Variants in JAK1 observed in about 807,000 individuals in gnomAD.
JAK1 encodes the protein tyrosine-protein kinase JAK1.
JAK1 carries 16 observed loss-of-function variants against 136.6 expected under a neutral mutation model. The ratio of observed to expected loss-of-function variants is 0.12; its 90% CI spans 0.08 to 0.18. The LOEUF (loss-of-function observed/expected upper bound fraction) is 0.18. JAK1 is among the 10% of genes least tolerant of loss of function. JAK1 has a pLI of 1.00. For missense variants in JAK1, 859 were observed against 1,450.1 expected, an observed-to-expected ratio of 0.59 and a Z score of 6.62; for synonymous variants, 492 against 519.5, an observed-to-expected ratio of 0.95 and a Z score of 0.72.
intron 1 of JAK1, among the ~76,000 whole-genome samples, chr1:65,051,459 T>C (rs1647281584): frequency 6.6e-6 from 1 of 152,160 alleles, no homozygotes; most frequent in African/African-American, 2.4e-5. Context: ...CTCCTCAGTC[T>C]GATGTCCACA....
intron 1 of JAK1, among the ~76,000 whole-genome samples, chr1:64,944,414 T>A (rs78042402): frequency 0.02 from 3,018 of 152,220 alleles, 116 homozygotes; most frequent in African/African-American, 0.07. Flanking sequence ...GAGCAATGTG[T>A]ACATGTCTTT....
At chr1:64,921,685 AGTG>A (rs961004110) in intron 1 of JAK1, among the ~76,000 whole-genome samples, 1 of 152,126 alleles carries the variant, frequency 6.6e-6, no homozygotes, top group African/African-American at 2.4e-5. Flanking sequence ...TAAGAAAATA[AGTG>A]GTTGAAATAA....
intron 1 of JAK1, among the ~76,000 whole-genome samples, chr1:64,905,969 G>A (rs1645184404): frequency 6.6e-6 from 1 of 152,090 alleles, no homozygotes; most frequent in South Asian, 2.1e-4. Context: ...ATCTCACCCT[G>A]TTGCATGGTT....
intron 1 of JAK1, among the ~76,000 whole-genome samples, chr1:64,944,063 G>A (rs1645937403): frequency 6.6e-6 from 1 of 151,474 alleles, no homozygotes; most frequent in Admixed American, 6.6e-5. Context: ...TCTACTAAAA[G>A]TACAAAAAAT....
chr1:64,928,605 C>T (rs1160166640), intron 1 of JAK1, among the ~76,000 whole-genome samples: 5 of 151,966 alleles, frequency 3.3e-5, no homozygotes, highest in Non-Finnish European at 5.9e-5. Flanking sequence ...GACCCAAGAA[C>T]TCTTCCTCTT....
intron 4 of JAK1, among the ~76,000 whole-genome samples, chr1:64,874,608 G>A (rs1657282423): frequency 2.0e-5 from 3 of 152,160 alleles, no homozygotes; most frequent in African/African-American, 4.8e-5. Flanking sequence ...TTTCTGGAAT[G>A]TGTGGAAGTG....
At chr1:64,845,468 C>A in intron 15 of JAK1, 45 bp downstream of exon 15, 1 of 1,612,476 alleles carries the variant, frequency 6.2e-7, no homozygotes. Context: ...TCCCAGGACA[C>A]TCTGGTTTCT....
At chr1:64,943,882 C>T (rs991303648) in intron 1 of JAK1, among the ~76,000 whole-genome samples, 2 of 150,578 alleles carry the variant, frequency 1.3e-5, no homozygotes, top group African/African-American at 4.9e-5. Flanking sequence ...GAGCAAAGGG[C>T]TTGACTAGGC....
At chr1:64,965,324 G>A (rs1254442131) in intron 1 of JAK1, among the ~76,000 whole-genome samples, 1 of 152,272 alleles carries the variant, frequency 6.6e-6, no homozygotes, top group Non-Finnish European at 1.5e-5. Flanking sequence ...AGGGGCAGAA[G>A]GCAGCTCACA....
At chr1:64,850,971 A>C in intron 11 of JAK1, 61 bp from the exon 12 acceptor site, 2 of 1,161,056 alleles carry the variant, frequency 1.7e-6, no homozygotes, top group Non-Finnish European at 2.6e-6. Flanking sequence ...TCAGACAGCC[A>C]ACGTCTGCTG....
intron 1 of JAK1, among the ~76,000 whole-genome samples, chr1:64,891,943 CA>C (rs1359733208): frequency 6.6e-6 from 1 of 152,248 alleles, no homozygotes; most frequent in African/African-American, 2.4e-5. Flanking sequence ...AATGCCAGCT[CA>C]ATGGTTCGGT....
chr1:65,065,550 A>C lies in JAK1; in HGVS notation c.-181+2054T>G, dbSNP rs543133865. Among the ~76,000 whole-genome samples, 3 of 151,928 alleles carry C rather than the reference A, an allele frequency of 2.0e-5. 1 individual carries two copies. In the East Asian group the frequency reaches 5.9e-4, roughly 30 times the overall value. On this transcript the variant is annotated intron_variant, in intron 1 of 25. Coordinates refer to the JAK1 transcript ENST00000671954. ...GGTAAGCAGAATAAAGGGATTATAAAGCTAGGAGGCTTTTAGAGGGAAACG... is the reference window on the plus strand; with the variant it reads ...GGTAAGCAGAATAAAGGGATTATAACGCTAGGAGGCTTTTAGAGGGAAACG...
chr1:64,900,556 T>A (rs1439169401), intron 1 of JAK1, among the ~76,000 whole-genome samples: 1 of 152,106 alleles, frequency 6.6e-6, no homozygotes, highest in Admixed American at 6.5e-5. Context: ...TGCGACCATA[T>A]CCACTTGGGG....
At chr1:64,838,645 G>C in intron 20 of JAK1, 56 bp from the exon 21 acceptor site, 1 of 1,590,662 alleles carries the variant, frequency 6.3e-7, no homozygotes, top group East Asian at 2.2e-5. Flanking sequence ...AACCATGGGA[G>C]AGGCAAGGGC....
At chr1:64,899,742 G>T (rs1645076222) in intron 1 of JAK1, among the ~76,000 whole-genome samples, 1 of 152,066 alleles carries the variant, frequency 6.6e-6, no homozygotes, top group African/African-American at 2.4e-5. Flanking sequence ...TTCAGATAGG[G>T]GATACTCATC....
Position 64,835,387 on chromosome 1 carries a change from C to CATAG in JAK1, c.3369+5_3369+8dup. The CATAG allele has an allele frequency of 6.8e-7, 1 of 1,476,986 alleles. No individual in the cohort carries two copies. Among genetic ancestry groups the CATAG allele is most frequent in the Non-Finnish European group, 9.3e-7 (1 of 1,075,192 alleles). The allele number at this position is 1,476,986 out of a possible 1,614,324, so 91.5% of individuals were successfully genotyped here. On this transcript the variant is annotated intron_variant, in intron 24 of 24. Coordinates refer to ENST00000342505, the MANE Select transcript of JAK1 (RefSeq NM_002227.4). ...GGAGTGTTATTACTGTGACGTGGCC[C>CATAG]ATAGATACCTCATCTGGACAGTTAG...
chr1:64,850,446 G>A (rs1655514426), intron 12 of JAK1, among the ~76,000 whole-genome samples: 1 of 152,222 alleles, frequency 6.6e-6, no homozygotes, highest in African/African-American at 2.4e-5. Flanking sequence ...GAACTCTGGA[G>A]GTGCTCCATC....
intron 1 of JAK1, among the ~76,000 whole-genome samples, chr1:65,046,979 C>G (rs1291052840): frequency 6.8e-6 from 1 of 147,616 alleles, no homozygotes; most frequent in Non-Finnish European, 1.5e-5. Context: ...TCACTTGAGG[C>G]CTGGAGTTCA....
At position 64,864,898 on chromosome 1, in the gene JAK1, C is replaced by G. The variant is rs1264154039; in HGVS notation, c.1065G>C (p.Glu355Asp). The G allele has an allele frequency of 2.5e-6, 4 of 1,613,806 alleles. No homozygotes were observed. Among genetic ancestry groups the G allele is most frequent in the Non-Finnish European group, 3.4e-6 (4 of 1,179,844 alleles). ...KLENKHKKDE[E>D]KNKIREEWNN... ...TCCACTCTTCCCGGATCTTGTTTTT[C>G]TCCTCATCCTTCTTGTGTTTATTTT... The change falls in exon 8 of 25, where the codon GAG (glutamate) becomes GAC (aspartate). Residue 355 changes from glutamate to aspartate, a missense_variant. Transcript: ENST00000342505.
Sources: gnomAD v4.1 joint callset for allele counts (sites outside exome capture counted in the v4.1 genomes callset) on GRCh38, gnomAD v4.1.1 for gene constraint, MANE v1.5 for transcripts, NCBI Gene and HGNC (gene_info 2026-07-23, HGNC 2026-07-21) for gene names.